The following CCDC7 variants were observed in gnomAD, a reference collection of about 807,000 sequenced individuals.
CCDC7 encodes coiled-coil domain containing 7.
Under a neutral mutation model 196.9 loss-of-function variants are expected in CCDC7, and 183 were observed. That is an observed-to-expected ratio of 0.93 (90% CI 0.82 to 1.05). The LOEUF is 1.05. CCDC7 is among the 50% of genes least tolerant of loss of function. The probability of loss-of-function intolerance (pLI) is 0.00; values close to 1 mark genes in which losing one functional copy is unlikely to be tolerated. For missense variants in CCDC7, 1,540 were observed against 1,482.2 expected (o/e 1.04, Z -0.64); for synonymous variants, 525 against 484.6 (o/e 1.08, Z -1.10).
chr10:32,664,312 GAAAAT>G (rs929723099), intron 21 of CCDC7, among the ~76,000 whole-genome samples, 151 bp downstream of exon 22: 1 of 151,924 alleles, frequency 6.6e-6, no homozygotes, highest in African/African-American at 2.4e-5. Flanking sequence ...ATAAATTGTG[GAAAAT>G]AAAATCAAGC....
chr10:32,444,458 G>C (rs1358763384), upstream of CCDC7, among the ~76,000 whole-genome samples: 3 of 152,204 alleles, frequency 2.0e-5, no homozygotes, highest in Non-Finnish European at 2.9e-5. Context: ...CTTTTGGCTA[G>C]ACTCATGCTG....
chr10:32,578,786 G>C (rs1234327884), intron 16 of CCDC7, among the ~76,000 whole-genome samples: 1 of 152,078 alleles, frequency 6.6e-6, no homozygotes, highest in Non-Finnish European at 1.5e-5. Flanking sequence ...AGGGGTTGGG[G>C]ATGCCTGCTT....
chr10:32,721,685 G>C (rs943037645), intron 25 of CCDC7, among the ~76,000 whole-genome samples: 1 of 152,076 alleles, frequency 6.6e-6, no homozygotes, highest in African/African-American at 2.4e-5. Flanking sequence ...CCCCTTTCTA[G>C]ATCATACCCT....
chr10:32,639,200 T>G (rs1164068550), intron 20 of CCDC7, among the ~76,000 whole-genome samples: 4 of 152,096 alleles, frequency 2.6e-5, no homozygotes, highest in African/African-American at 7.2e-5. Flanking sequence ...GATTCATTGA[T>G]TTTTTTGAAG....
intron 41 of CCDC7, among the ~76,000 whole-genome samples, chr10:32,868,772 C>A (rs1043571881): frequency 6.8e-6 from 1 of 146,268 alleles, no homozygotes; most frequent in African/African-American, 2.5e-5. Flanking sequence ...CCTGTGTCCA[C>A]GTGTTCTCAC....
chr10:32,692,654 G>A (rs1348703823), intron 23 of CCDC7, among the ~76,000 whole-genome samples: 1 of 152,184 alleles, frequency 6.6e-6, no homozygotes, highest in Non-Finnish European at 1.5e-5. Flanking sequence ...GTTAGAAACA[G>A]AAATGCCAGT....
At chr10:32,663,588 A>G (rs575369317) in intron 20 of CCDC7, among the ~76,000 whole-genome samples, 21 of 152,242 alleles carry the variant, frequency 1.4e-4, no homozygotes, top group Non-Finnish European at 3.1e-4. Flanking sequence ...TATTACTTTT[A>G]GAGCTTCCTG....
chr10:32,768,920 G>C (rs1267077772), intron 28 of CCDC7, among the ~76,000 whole-genome samples: 1 of 152,116 alleles, frequency 6.6e-6, no homozygotes, highest in East Asian at 1.9e-4. Context: ...TGGTTTGCTA[G>C]CATTTTGTTG....
At chr10:32,841,865 C>T (rs1388408577) in intron 33 of CCDC7, among the ~76,000 whole-genome samples, 3 of 151,992 alleles carry the variant, frequency 2.0e-5, no homozygotes, top group African/African-American at 7.2e-5. Flanking sequence ...GAAAGGACAC[C>T]GTATTCAACG....
intron 18 of CCDC7, among the ~76,000 whole-genome samples, chr10:32,618,530 G>T (rs1409268563): frequency 2.0e-5 from 3 of 151,926 alleles, no homozygotes; most frequent in African/African-American, 7.2e-5. Flanking sequence ...ATCTGAGAAA[G>T]ACTTTATTTT....
At chr10:32,470,872 G>GC (rs1321916949) in intron 5 of CCDC7, among the ~76,000 whole-genome samples, 192 bp from the exon 7 acceptor site, 1 of 152,036 alleles carries the variant, frequency 6.6e-6, no homozygotes, top group African/African-American at 2.4e-5. Context: ...CCATCACTGA[G>GC]CTATAGTTCT....
chr10:32,876,534 G>C (rs1158226333), downstream of CCDC7: 3 of 767,068 alleles, frequency 3.9e-6, no homozygotes, highest in East Asian at 2.8e-5. Flanking sequence ...GAAATACAGT[G>C]GATCAACAGG....
At chr10:32,543,418 TC>T (rs1243173634) in intron 12 of CCDC7, 33 bp downstream of exon 13, 20 of 1,269,652 alleles carry the variant, frequency 1.6e-5, no homozygotes, top group South Asian at 5.7e-5. Context: ...AATCTTTTTT[TC>T]CTTGTTAATT....
chr10:32,845,287 A>G (rs1174953177), exon 34 of CCDC7: 1 of 1,576,826 alleles, frequency 6.3e-7, no homozygotes, highest in South Asian at 1.1e-5. Context: ...AAGAGGTATA[A>G]TAAAGGGATC....
chr10:32,760,814 G>T (rs577604114), intron 28 of CCDC7, among the ~76,000 whole-genome samples: 3 of 151,446 alleles, frequency 2.0e-5, no homozygotes, highest in African/African-American at 7.3e-5. Flanking sequence ...GCTCCGGAAG[G>T]TTCAAAATAA....
intron 18 of CCDC7, among the ~76,000 whole-genome samples, chr10:32,631,095 CA>C (rs1315506056): frequency 1.3e-5 from 2 of 152,172 alleles, no homozygotes; most frequent in East Asian, 3.9e-4. Context: ...CTGAGGCAGA[CA>C]TGTGAGTGAA....
intron 24 of CCDC7, among the ~76,000 whole-genome samples, chr10:32,698,519 G>A (rs2078106105): frequency 6.6e-6 from 1 of 152,148 alleles, no homozygotes; most frequent in South Asian, 2.1e-4. Flanking sequence ...ATAACCTGGT[G>A]GAGCTGAAAA....
chr10:32,819,293 T>A (rs558608149), intron 31 of CCDC7, among the ~76,000 whole-genome samples: 6 of 152,236 alleles, frequency 3.9e-5, no homozygotes, highest in African/African-American at 1.4e-4. Flanking sequence ...AATAGACCAA[T>A]AACAGGCTCT....
chr10:32,881,856 A>G (rs1347524542), downstream of CCDC7, among the ~76,000 whole-genome samples: 1 of 152,026 alleles, frequency 6.6e-6, no homozygotes. Context: ...CGCCTGTGAG[A>G]TCTCATCTTC....
Sources: gnomAD v4.1 joint callset for allele counts (sites outside exome capture counted in the v4.1 genomes callset) on GRCh38, gnomAD v4.1.1 for gene constraint, MANE v1.5 for transcripts, NCBI Gene and HGNC (gene_info 2026-07-23, HGNC 2026-07-21) for gene names.